The following KCNT2 variants were observed in gnomAD, a reference collection of about 807,000 sequenced individuals.
The protein encoded by KCNT2 is potassium channel subfamily T member 2.
Under a neutral mutation model 153.8 loss-of-function variants are expected in KCNT2, and 67 were observed. The observed-to-expected ratio is 0.44, with a 90% CI of 0.36 to 0.53. The LOEUF (loss-of-function observed/expected upper bound fraction) is 0.53, where lower values mean the gene tolerates loss of function less well. Among genes scored for constraint, KCNT2 ranks in the 20% least tolerant of loss-of-function variants. The probability of loss-of-function intolerance (pLI) is 0.00; values close to 1 mark genes in which losing one functional copy is unlikely to be tolerated. For missense variants in KCNT2, 975 were observed against 1,354.8 expected, an observed-to-expected ratio of 0.72 and a Z score of 4.40; for synonymous variants, 500 against 458.8, an observed-to-expected ratio of 1.09 and a Z score of -1.15.
At position 196,566,522 on chromosome 1, in the gene KCNT2, G is replaced by A. The variant is rs368357227; in HGVS notation, c.95+41693C>T. 5.8e-4 allele frequency among the ~76,000 whole-genome samples: 88 copies of A among 152,212 alleles called. 1 individual carries two copies. The South Asian group carries it at 0.018, about 31-fold the overall frequency. The stretch of plus-strand genomic sequence containing the variant: ...TAATCAAATGGGTTGGAAAAGGAAA[G>A]TAACATCTTGGGAGGCCCTCTCCAT... On this transcript the variant is annotated intron_variant, in intron 1 of 27. Transcript: ENST00000294725.
intron 1 of KCNT2, among the ~76,000 whole-genome samples, chr1:196,519,035 A>G (rs1004613317): frequency 9.9e-5 from 15 of 152,246 alleles, no homozygotes; most frequent in Admixed American, 7.2e-4. Flanking sequence ...TGACCATACA[A>G]TCCAACATAA....
At chr1:196,591,396 C>A (rs1572915446) in intron 1 of KCNT2, among the ~76,000 whole-genome samples, 1 of 152,198 alleles carries the variant, frequency 6.6e-6, no homozygotes, top group Admixed American at 6.5e-5. Context: ...AATCACCCAG[C>A]CTGAGGTATT....
intron 8 of KCNT2, among the ~76,000 whole-genome samples, chr1:196,443,083 T>C (rs1675384718): frequency 2.0e-5 from 3 of 151,670 alleles, no homozygotes; most frequent in Non-Finnish European, 4.4e-5. Flanking sequence ...TTGTTGATTG[T>C]GTATTCTGTA....
intron 22 of KCNT2, among the ~76,000 whole-genome samples, chr1:196,292,520 G>C (rs1003908354): frequency 6.6e-6 from 1 of 152,162 alleles, no homozygotes. Flanking sequence ...ATAGAAAAAG[G>C]AAGTGGCCGG....
chr1:196,344,716 A>G (rs1406440321), intron 14 of KCNT2, among the ~76,000 whole-genome samples: 1 of 152,206 alleles, frequency 6.6e-6, no homozygotes, highest in Non-Finnish European at 1.5e-5. Context: ...TGACAGGGGA[A>G]CACAATGTGG....
At chr1:196,237,969 T>C (rs1363295472) in intron 26 of KCNT2, among the ~76,000 whole-genome samples, 1 of 151,922 alleles carries the variant, frequency 6.6e-6, no homozygotes, top group Non-Finnish European at 1.5e-5. Flanking sequence ...TTTGAATTTC[T>C]ACAACTGTTG....
chr1:196,367,471 C>A (rs1668140173), intron 14 of KCNT2, among the ~76,000 whole-genome samples: 1 of 151,956 alleles, frequency 6.6e-6, no homozygotes, highest in Non-Finnish European at 1.5e-5. Context: ...AAGTAAACAT[C>A]CAATTCTAAA....
intron 8 of KCNT2, among the ~76,000 whole-genome samples, chr1:196,457,213 A>C (rs1676750087): frequency 6.6e-6 from 1 of 151,802 alleles, no homozygotes; most frequent in African/African-American, 2.4e-5. Context: ...CCTCTTACCC[A>C]CAAAAAAACA....
At chr1:196,394,380 G>A (rs1262188707) in intron 13 of KCNT2, among the ~76,000 whole-genome samples, 1 of 151,610 alleles carries the variant, frequency 6.6e-6, no homozygotes, top group Non-Finnish European at 1.5e-5. Flanking sequence ...ATGCCGCTGT[G>A]GATTAGGTAG....
At position 196,466,821 on chromosome 1, in the gene KCNT2, C is replaced by T. The variant is rs188874867; in HGVS notation, c.543+882G>A. Among the ~76,000 whole-genome samples the T allele has an allele frequency of 2.3e-3, 348 of 152,058 alleles. 1 individual carries two copies. The highest frequency in any genetic ancestry group is 3.7e-3 in the Non-Finnish European group (251 of 67,948). ...ATGACTCAATGGAAATGCCTTACAG[C>T]TAGCTTTGAAGTACTAAAGCCTGTG... On this transcript the variant is annotated intron_variant, in intron 7 of 27. Coordinates refer to ENST00000294725, the MANE Select transcript of KCNT2 (RefSeq NM_198503.5).
At chr1:196,350,808 G>A (rs1197239158) in intron 14 of KCNT2, among the ~76,000 whole-genome samples, 12 of 152,122 alleles carry the variant, frequency 7.9e-5, no homozygotes, top group African/African-American at 2.4e-4. Flanking sequence ...TAATGCCTAG[G>A]TTTTCTTCTA....
intron 1 of KCNT2, among the ~76,000 whole-genome samples, chr1:196,597,058 G>T (rs980236786): frequency 6.6e-6 from 1 of 152,098 alleles, no homozygotes; most frequent in South Asian, 2.1e-4. Context: ...TGTGGAAAAA[G>T]AAAATAAATT....
At chr1:196,503,553 A>C (rs1251392061) in intron 1 of KCNT2, among the ~76,000 whole-genome samples, 2 of 152,184 alleles carry the variant, frequency 1.3e-5, no homozygotes, top group Non-Finnish European at 2.9e-5. Flanking sequence ...TAGTCATTGT[A>C]AAATCTCGAA....
intron 8 of KCNT2, among the ~76,000 whole-genome samples, chr1:196,459,531 C>T (rs1676969865): frequency 6.6e-6 from 1 of 151,790 alleles, no homozygotes. Flanking sequence ...ATGCTCCATG[C>T]AGTTGCTAGT....
At chr1:196,353,379 G>A (rs981216439) in intron 14 of KCNT2, among the ~76,000 whole-genome samples, 5 of 151,892 alleles carry the variant, frequency 3.3e-5, no homozygotes, top group African/African-American at 1.2e-4. Flanking sequence ...TCTTTTTATA[G>A]AAGGGTAAGA....
intron 5 of KCNT2, among the ~76,000 whole-genome samples, chr1:196,474,728 T>G (rs1347963219): frequency 1.3e-5 from 2 of 152,206 alleles, no homozygotes; most frequent in Non-Finnish European, 2.9e-5. Flanking sequence ...TAAATAGAAC[T>G]TTATTTTGAA....
chr1:196,274,292 T>C (rs996489145), intron 25 of KCNT2, among the ~76,000 whole-genome samples: 3 of 151,640 alleles, frequency 2.0e-5, no homozygotes, highest in Admixed American at 6.6e-5. Context: ...TTCAAGTATA[T>C]TATTTGATGT....
At chr1:196,295,568 G>GTGAAATTTTT (rs978861828) in intron 22 of KCNT2, among the ~76,000 whole-genome samples, 44 of 151,962 alleles carry the variant, frequency 2.9e-4, no homozygotes, top group African/African-American at 1.0e-3. Context: ...TCCCCATTGG[G>GTGAAATTTTT]TGAAATTTTT....
At chr1:196,331,922 G>T (rs553267427) in intron 17 of KCNT2, among the ~76,000 whole-genome samples, 1 of 152,088 alleles carries the variant, frequency 6.6e-6, no homozygotes, top group Admixed American at 6.6e-5. Context: ...AATTTAGCTT[G>T]CTGACTTTTA....
Sources: allele counts gnomAD v4.1 joint callset (sites outside exome capture counted in the v4.1 genomes callset), GRCh38; gene constraint gnomAD v4.1.1; transcripts MANE v1.5; gene names NCBI Gene and HGNC (gene_info 2026-07-23, HGNC 2026-07-21).